GLMN: variants seen among roughly 807,000 people sequenced by gnomAD.
GLMN encodes the protein glomulin, FKBP associated protein, also known as glomulin.
A neutral mutation model predicts 87.8 loss-of-function variants in GLMN; 75 were observed. The observed-to-expected ratio is 0.85, with a 90% CI of 0.71 to 1.04. The LOEUF (loss-of-function observed/expected upper bound fraction) is 1.04. GLMN is among the 50% of genes least tolerant of loss of function. The pLI is 0.00. For synonymous variants in GLMN, 206 were observed against 221.6 expected, an observed-to-expected ratio of 0.93 and a Z score of 0.63; for missense variants, 588 against 658.8, an observed-to-expected ratio of 0.89 and a Z score of 1.18.
intron 9 of GLMN, among the ~76,000 whole-genome samples, chr1:92,268,702 A>G (rs1443832265): frequency 1.3e-5 from 2 of 152,200 alleles, no homozygotes; most frequent in African/African-American, 2.4e-5. Flanking sequence ...AGCTTTGGAC[A>G]TTGCCATGTT....
chr1:92,352,070 A>G, the GLMN span, among the ~76,000 whole-genome samples: 1 of 152,224 alleles, frequency 6.6e-6, no homozygotes. Flanking sequence ...GATACATGCT[A>G]TTCCTAGTTC....
the GLMN span, among the ~76,000 whole-genome samples, chr1:92,307,755 G>A: frequency 3.8e-4 from 58 of 151,762 alleles, 1 homozygote; most frequent in South Asian, 0.012. Flanking sequence ...GAGTTTATGG[G>A]CAATGCTGGA....
At position 92,263,652 on chromosome 1, in the gene GLMN, T is replaced by C. The variant is rs1386535540; in HGVS notation, c.1380A>G (p.Ala460=). The change falls in exon 15 of 19, where the codon GCA becomes GCG. Residue 460 remains alanine (A), a synonymous_variant. Transcript: ENST00000370360. ...CTGAGTTTTGCAGTAAATCTGTTTCTGCACCCTCTGGGAGAAAAAGTACCA... is the reference window on the plus strand; with the variant it reads ...CTGAGTTTTGCAGTAAATCTGTTTCCGCACCCTCTGGGAGAAAAAGTACCA... ...LDLVLFLPEG[A]ETDLLQNSDR... is the part of the protein sequence containing the mutation. The C allele has an allele frequency of 6.4e-7, 1 of 1,573,640 alleles. No individual in the cohort carries two copies.
the GLMN span, among the ~76,000 whole-genome samples, chr1:92,330,439 A>ATTTT: frequency 1.3e-3 from 77 of 61,464 alleles, 5 homozygotes; most frequent in African/African-American, 4.2e-3. Flanking sequence ...TGGGTTGTCA[A>ATTTT]TTTTTTTTTT....
the GLMN span, chr1:92,320,565 C>A: frequency 6.2e-7 from 1 of 1,602,664 alleles, no homozygotes; most frequent in South Asian, 1.1e-5. Flanking sequence ...CCACCGCACC[C>A]GGCCTAATTT....
In GLMN at chr1:92,290,236, GA is replaced by G; in HGVS notation, c.355del (p.Ser119ProfsTer14). The G allele has an allele frequency of 1.2e-6, 2 of 1,608,054 alleles. No individual in the cohort carries two copies. Among genetic ancestry groups the G allele is most frequent in the South Asian group, 1.1e-5 (1 of 90,992 alleles). ...LIEEPSGKQISQSILLLLQPL... is the reference protein window; with the variant it reads ...LIEEPSGKQIXQSILLLLQPL... ...CTGAAGCAAAAGAAGAATACTTTGG[GA>G]TATCTGTTTTCCAGAGGGCTCTTCA... is the stretch of plus-strand genomic sequence containing the variant. On this transcript the variant is annotated frameshift_variant, in exon 5 of 19. Transcript: ENST00000370360. LOFTEE classifies it high-confidence loss of function.
At chr1:92,286,660 T>C in intron 6 of GLMN, 68 bp from the exon 7 acceptor site, 1 of 801,150 alleles carries the variant, frequency 1.2e-6, no homozygotes, top group Non-Finnish European at 2.2e-6. Flanking sequence ...GGTCTTCAAA[T>C]CTAAGTTAAT....
At chr1:92,349,757 G>A in the GLMN span, among the ~76,000 whole-genome samples, 25 of 151,914 alleles carry the variant, frequency 1.6e-4, 1 homozygote, top group Admixed American at 1.4e-3. Context: ...GTGAGACCCC[G>A]TCTCTACAAA....
At position 92,286,712 on chromosome 1, in the gene GLMN, A is replaced by T. The variant is rs1482142682; in HGVS notation, c.633-120T>A. 4 of 687,758 alleles carry T rather than the reference A, an allele frequency of 5.8e-6. No homozygotes were observed. In the African/African-American group the frequency reaches 7.1e-5, roughly 12 times the overall value. The allele number at this position is 687,758 out of a possible 1,614,324, so 42.6% of individuals were successfully genotyped here. A position where few individuals can be genotyped will look rare whatever the true frequency, so the allele number is the denominator to read the frequency against. ...CATAAGCACTGCTATGGTTTGAATG[A>T]CTCTGCTCTCCAAAACTCATGTTGA... On this transcript the variant is annotated intron_variant, in intron 6 of 18. Coordinates refer to ENST00000370360, the MANE Select transcript of GLMN (RefSeq NM_053274.3).
Position 92,290,310 on chromosome 1 carries a change from T to C in GLMN, c.286-4A>G, listed in dbSNP as rs368253601. On this transcript the variant is annotated splice_region_variant and splice_polypyrimidine_tract_variant and intron_variant, in intron 4 of 18. Coordinates refer to ENST00000370360, the MANE Select transcript of GLMN (RefSeq NM_053274.3). ...ATAATTCCTTTGGATTGCATAACTA[T>C]AAAAATATTCACAATTGAACCTGTT... is the stretch of plus-strand genomic sequence containing the variant. 2 of 1,517,110 alleles carry C rather than the reference T, an allele frequency of 1.3e-6. No individual in the cohort carries two copies. Among genetic ancestry groups the C allele is most frequent in the African/African-American group, 1.4e-5 (1 of 73,086 alleles). 94.0% of individuals were successfully genotyped at this position (1,517,110 alleles called of 1,614,324 possible). A position where few individuals can be genotyped will look rare whatever the true frequency, so the allele number is the denominator to read the frequency against.
At chr1:92,327,299 T>G in the GLMN span, among the ~76,000 whole-genome samples, 2 of 152,290 alleles carry the variant, frequency 1.3e-5, no homozygotes, top group African/African-American at 4.8e-5. Context: ...CTATCTCATT[T>G]CCTAGGTCTC....
intron 3 of GLMN, among the ~76,000 whole-genome samples, chr1:92,292,236 C>T (rs1247551874): frequency 6.8e-6 from 1 of 147,306 alleles, no homozygotes; most frequent in East Asian, 2.1e-4. Flanking sequence ...AGATCACTAC[C>T]CTCCTAGAGT....
At chr1:92,292,130 T>G (rs529528454) in intron 3 of GLMN, among the ~76,000 whole-genome samples, 2 of 152,196 alleles carry the variant, frequency 1.3e-5, no homozygotes, top group African/African-American at 4.8e-5. Flanking sequence ...GTATTCCACT[T>G]CTCTGGCCTG....
At chr1:92,254,223 AGAATGAAAAG>A (rs1570838728) in intron 16 of GLMN, among the ~76,000 whole-genome samples, 1 of 152,252 alleles carries the variant, frequency 6.6e-6, no homozygotes, top group African/African-American at 2.4e-5. Context: ...AGAGAAAAAA[AGAATGAAAAG>A]GAATGAACAA....
Position 92,298,934 on chromosome 1 carries a change from C to T in GLMN, c.-40G>A, listed in dbSNP as rs1650530720. The T allele has an allele frequency of 2.1e-6, 1 of 484,402 alleles. No homozygotes were observed. 30.0% of individuals were successfully genotyped at this position (484,402 alleles called of 1,614,324 possible). A position where few individuals can be genotyped will look rare whatever the true frequency, so the allele number is the denominator to read the frequency against. ...CCACAACTCCACTTACCGGCCAGAA[C>T]CCTCGCCTCTCCCAGCCGCCGCCAC... On this transcript the variant is annotated 5_prime_UTR_variant, in exon 1 of 19. Coordinates refer to ENST00000370360, the MANE Select transcript of GLMN (RefSeq NM_053274.3).
chr1:92,290,762 A>G (rs537762377), intron 4 of GLMN, among the ~76,000 whole-genome samples: 1 of 152,252 alleles, frequency 6.6e-6, no homozygotes, highest in Non-Finnish European at 1.5e-5. Flanking sequence ...CCCATAGTCA[A>G]TAACTCATAC....
chr1:92,248,816 CT>C (rs1431048019), intron 16 of GLMN, among the ~76,000 whole-genome samples: 1 of 152,074 alleles, frequency 6.6e-6, no homozygotes, highest in Non-Finnish European at 1.5e-5. Flanking sequence ...ATATTAATGT[CT>C]CACACCTATC....
At chr1:92,323,661 A>G in the GLMN span, 4 of 1,613,646 alleles carry the variant, frequency 2.5e-6, no homozygotes, top group Middle Eastern at 1.7e-4. Flanking sequence ...AAAAAAGCAT[A>G]ATGAAAAAGA....
At chr1:92,275,712 T>C (rs1024096946) in intron 7 of GLMN, among the ~76,000 whole-genome samples, 2 of 152,260 alleles carry the variant, frequency 1.3e-5, no homozygotes, top group Non-Finnish European at 2.9e-5. Context: ...GCCATCTTAC[T>C]TCCTAAATCC....
Sources: allele counts gnomAD v4.1 joint callset (sites outside exome capture counted in the v4.1 genomes callset), GRCh38; gene constraint gnomAD v4.1.1; transcripts MANE v1.5; gene names NCBI Gene and HGNC (gene_info 2026-07-23, HGNC 2026-07-21).